ZNF354C: variants seen among roughly 807,000 people sequenced by gnomAD.
ZNF354C encodes the protein zinc finger protein 354C, also known as KRAB-zinc finger protein synten.
Under a neutral mutation model 12.4 loss-of-function variants are expected in ZNF354C, and 7 were observed. The ratio of observed to expected loss-of-function variants is 0.56; its 90% confidence interval spans 0.32 to 1.06. The LOEUF is 1.06. Among genes scored for constraint, ZNF354C ranks in the 50% least tolerant of loss-of-function variants. The pLI, the probability that ZNF354C is intolerant of heterozygous loss-of-function variation, is 0.04. For missense variants in ZNF354C, 609 were observed against 658.0 expected (o/e 0.93, Z 0.81); for synonymous variants, 202 against 224.5 (o/e 0.90, Z 0.90).
At chr5:179,069,207 C>T (rs1762003520) in intron 2 of ZNF354C, among the ~76,000 whole-genome samples, 1 of 151,876 alleles carries the variant, frequency 6.6e-6, no homozygotes, top group East Asian at 1.9e-4. Context: ...TCATTGTACC[C>T]TCCAGCATTA....
chr5:179,062,576 G>A (rs1163106842), intron 2 of ZNF354C, among the ~76,000 whole-genome samples: 1 of 152,196 alleles, frequency 6.6e-6, no homozygotes, highest in African/African-American at 2.4e-5. Context: ...TAGGAAACAT[G>A]ATTAAATGTT....
chr5:179,077,315 T>C, intron 4 of ZNF354C, 149 bp downstream of exon 4: 1 of 635,212 alleles, frequency 1.6e-6, no homozygotes, highest in East Asian at 2.7e-5. Flanking sequence ...TAGGTTAAAG[T>C]ACACACAATT....
intron 2 of ZNF354C, among the ~76,000 whole-genome samples, chr5:179,066,003 G>T (rs539791212): frequency 1.3e-5 from 2 of 152,170 alleles, no homozygotes; most frequent in South Asian, 4.2e-4. Flanking sequence ...CCACACTTAC[G>T]GCCTGGCAAG....
intron 2 of ZNF354C, among the ~76,000 whole-genome samples, chr5:179,064,744 G>C (rs1381743625): frequency 6.6e-6 from 1 of 152,034 alleles, no homozygotes; most frequent in African/African-American, 2.4e-5. Context: ...GTCTCCTGGG[G>C]ACCCAGAGTG....
chr5:179,078,292 G>A (rs761114319), intron 4 of ZNF354C, among the ~76,000 whole-genome samples: 1 of 152,216 alleles, frequency 6.6e-6, no homozygotes, highest in African/African-American at 2.4e-5. Context: ...TGGACAGGCT[G>A]CCTACTTCAT....
intron 2 of ZNF354C, among the ~76,000 whole-genome samples, chr5:179,063,254 C>G (rs1405639466): frequency 6.6e-6 from 1 of 152,086 alleles, no homozygotes; most frequent in Non-Finnish European, 1.5e-5. Context: ...GACTGAGTTG[C>G]TATGAGCATT....
At chr5:179,077,043 C>A in intron 3 of ZNF354C, 28 bp from the exon 4 acceptor site, 1 of 1,602,610 alleles carries the variant, frequency 6.2e-7, no homozygotes, top group South Asian at 1.1e-5. Context: ...GCTATTTGTT[C>A]AAACTTCATT....
intron 4 of ZNF354C, among the ~76,000 whole-genome samples, chr5:179,077,862 G>A (rs564240974): frequency 1.2e-3 from 179 of 145,616 alleles, no homozygotes; most frequent in African/African-American, 4.1e-3. Flanking sequence ...CCGGAGTGCA[G>A]TGGTGTGATC....
intron 1 of ZNF354C, among the ~76,000 whole-genome samples, chr5:179,061,169 G>A (rs1167845577): frequency 6.6e-6 from 1 of 152,248 alleles, no homozygotes; most frequent in Non-Finnish European, 1.5e-5. Flanking sequence ...AACTGGCCTG[G>A]CAGAGCCCCA....
In ZNF354C at chr5:179,081,726, T is replaced by G. The variant is rs895072159; in HGVS notation, c.*1629T>G. The G allele has an allele frequency of 1.3e-5, 2 of 152,198 alleles. No individual in the cohort carries two copies. Among genetic ancestry groups the G allele is most frequent in the Admixed American group, 6.5e-5 (1 of 15,274 alleles). 9.4% of individuals were successfully genotyped at this position (152,198 alleles called of 1,614,324 possible). A position where few individuals can be genotyped will look rare whatever the true frequency, so the allele number is the denominator to read the frequency against. On this transcript the variant is annotated 3_prime_UTR_variant, in exon 5 of 5. Coordinates refer to ENST00000315475, the MANE Select transcript of ZNF354C (RefSeq NM_014594.3). ...CCAAATTTTGGTTTCTAAATGCCAT[T>G]CCCCACTAAAAGGAACCAGGGTTCC... is the stretch of plus-strand genomic sequence containing the variant.
rs939488032 is a variant in ZNF354C, at chr5:179,081,370, T to C, written c.*1273T>C. The C allele has an allele frequency of 6.6e-6, 1 of 152,194 alleles. No individual in the cohort carries two copies. The highest frequency in any genetic ancestry group is 1.5e-5 in the Non-Finnish European group (1 of 68,032). 9.4% of individuals were successfully genotyped at this position (152,194 alleles called of 1,614,324 possible). A position where few individuals can be genotyped will look rare whatever the true frequency, so the allele number is the denominator to read the frequency against. ...GAATTAATTATTTTATGGAAAGTTATATATGAAGAGTTTATTATTAAGCAT... is the reference window on the plus strand; with the variant it reads ...GAATTAATTATTTTATGGAAAGTTACATATGAAGAGTTTATTATTAAGCAT... On this transcript the variant is annotated 3_prime_UTR_variant, in exon 5 of 5. Coordinates refer to ENST00000315475, the MANE Select transcript of ZNF354C (RefSeq NM_014594.3).
intron 2 of ZNF354C, among the ~76,000 whole-genome samples, chr5:179,075,869 A>G (rs1338245024): frequency 6.6e-6 from 1 of 152,230 alleles, no homozygotes; most frequent in Non-Finnish European, 1.5e-5. Context: ...TCAATTGTTC[A>G]CATTGTATTT....
chr5:179,080,870 A>G lies in ZNF354C; in HGVS notation c.*773A>G, dbSNP rs1762218482. 1 of 152,210 alleles carries G rather than the reference A, an allele frequency of 6.6e-6. No individual in the cohort carries two copies. Among genetic ancestry groups the G allele is most frequent in the Non-Finnish European group, 1.5e-5 (1 of 68,040 alleles). 9.4% of individuals were successfully genotyped at this position (152,210 alleles called of 1,614,324 possible). ...GAAGCAGCTGGAAAGACTGTCAAGC[A>G]CATACTTTGTTATCTGTTGCAGAAG... is the stretch of plus-strand genomic sequence containing the variant. On this transcript the variant is annotated 3_prime_UTR_variant, in exon 5 of 5. Transcript: ENST00000315475.
chr5:179,082,871 C>T lies in ZNF354C; in HGVS notation c.*2774C>T. On this transcript the variant is annotated 3_prime_UTR_variant, in exon 5 of 5. Coordinates refer to ENST00000315475, the MANE Select transcript of ZNF354C (RefSeq NM_014594.3). ...GGCCCTCACAGACTCGCCAAACATT[C>T]CAGGCACTGCACTTGCCAGTGCGCT... 1.8e-6 allele frequency: 2 copies of T among 1,103,846 alleles called. No homozygotes were observed. The highest frequency in any genetic ancestry group is 2.8e-6 in the Non-Finnish European group (2 of 716,728). 68.4% of individuals were successfully genotyped at this position (1,103,846 alleles called of 1,614,324 possible).
chr5:179,062,502 A>G (rs1253124705), intron 2 of ZNF354C, among the ~76,000 whole-genome samples: 1 of 152,206 alleles, frequency 6.6e-6, no homozygotes, highest in African/African-American at 2.4e-5. Flanking sequence ...GATCCTGTGC[A>G]GCACACGGGA....
Position 179,078,991 on chromosome 5 carries a change from C to G in ZNF354C, c.559C>G (p.Pro187Ala), listed in dbSNP as rs148429532. 1.9e-6 allele frequency: 3 copies of G among 1,613,348 alleles called. No homozygotes were observed. The highest frequency in any genetic ancestry group is 1.7e-6 in the Non-Finnish European group (2 of 1,179,874). ...TQQSVPIERI[P>A]NMYYTFGKDF... ...ACAGAGTGTTCCTATAGAAAGGATA[C>G]CCAATATGTATTATACATTTGGGAA... Residue 187 changes from proline (P) to alanine (A), a missense_variant, in exon 5 of 5, where the codon CCC becomes GCC. Pro to Ala is a conservative substitution (Grantham distance 27). Coordinates refer to ENST00000315475, the MANE Select transcript of ZNF354C (RefSeq NM_014594.3).
In ZNF354C at chr5:179,065,604, C is replaced by T. The variant is rs541243269; in HGVS notation, c.27+3509C>T. Reference sequence around the variant, plus strand: ...CTAATTTTTGAATTTTTGATAAAAACGGGGTTTCACCATGTTGGCTGGGCT... The same window carrying T: ...CTAATTTTTGAATTTTTGATAAAAATGGGGTTTCACCATGTTGGCTGGGCT... On this transcript the variant is annotated intron_variant, in intron 2 of 4. Coordinates refer to ENST00000315475, the MANE Select transcript of ZNF354C (RefSeq NM_014594.3). Among the ~76,000 whole-genome samples the T allele has an allele frequency of 8.5e-5, 13 of 152,060 alleles. 1 individual carries two copies. The South Asian group carries it at 1.5e-3, about 17-fold the overall frequency.
intron 2 of ZNF354C, among the ~76,000 whole-genome samples, chr5:179,073,350 T>C (rs960400258): frequency 9.2e-5 from 14 of 152,240 alleles, no homozygotes; most frequent in Admixed American, 7.9e-4. Context: ...TTAGGAAGAA[T>C]GAAGAGCATT....
intron 3 of ZNF354C, among the ~76,000 whole-genome samples, chr5:179,076,822 T>G (rs913610341): frequency 1.3e-5 from 2 of 152,146 alleles, no homozygotes; most frequent in Admixed American, 1.3e-4. Context: ...GATCCCAGTT[T>G]AGATTCTGAA....
Sources: gnomAD v4.1 joint callset for allele counts (sites outside exome capture counted in the v4.1 genomes callset) on GRCh38, gnomAD v4.1.1 for gene constraint, MANE v1.5 for transcripts, NCBI Gene and HGNC (gene_info 2026-07-23, HGNC 2026-07-21) for gene names.